DLGAP4: variants seen among roughly 807,000 people sequenced by gnomAD.
DLGAP4 encodes disks large-associated protein 4.
In DLGAP4, 18 loss-of-function variants were observed where a neutral mutation model predicts 86.9. That is an observed-to-expected ratio of 0.21 (90% CI 0.14 to 0.31). The LOEUF (loss-of-function observed/expected upper bound fraction) is 0.31. Ranked by LOEUF, DLGAP4 falls within the 10% of genes least tolerant of loss-of-function variation. The pLI, the probability that DLGAP4 is intolerant of heterozygous loss-of-function variation, is 1.00. For missense variants in DLGAP4, 1,085 were observed against 1,362.6 expected (o/e 0.80, Z 3.21); for synonymous variants, 548 against 574.3 (o/e 0.95, Z 0.65).
chr20:36,398,145 G>GA (rs891062082), intron 2 of DLGAP4, among the ~76,000 whole-genome samples: 4 of 152,160 alleles, frequency 2.6e-5, no homozygotes, highest in African/African-American at 4.8e-5. Context: ...ATATGTGTTT[G>GA]AAAAAACACG....
intron 2 of DLGAP4, among the ~76,000 whole-genome samples, chr20:36,422,735 C>T (rs2032863860): frequency 6.6e-6 from 1 of 152,178 alleles, no homozygotes; most frequent in South Asian, 2.1e-4. Context: ...GGGGTGGCGG[C>T]TGCAGACACA....
At position 36,337,967 on chromosome 20, in the gene DLGAP4, C is replaced by G. The variant is rs1053703455; in HGVS notation, c.-303-29078C>G. ...CTGTGCCAGGATGAGGAAGCCGAGG[C>G]CCCAAGAGGGGAGGGGAGGGAGGAG... On this transcript the variant is annotated intron_variant, in intron 1 of 12. Coordinates refer to ENST00000339266, the MANE Select transcript of DLGAP4 (RefSeq NM_001365621.2). Among the ~76,000 whole-genome samples, 5 of 152,284 alleles carry G rather than the reference C, an allele frequency of 3.3e-5. No individual in the cohort carries two copies. In the Middle Eastern group the frequency reaches 0.014, roughly 414 times the overall value.
chr20:36,514,817 C>T (rs1338626417), intron 10 of DLGAP4, among the ~76,000 whole-genome samples: 1 of 152,040 alleles, frequency 6.6e-6, no homozygotes, highest in Non-Finnish European at 1.5e-5. Context: ...AAACAGGCAA[C>T]TGTTGGGGTT....
At chr20:36,499,504 T>C (rs1365264180) in intron 8 of DLGAP4, 84 bp from the exon 9 acceptor site, 6 of 1,460,380 alleles carry the variant, frequency 4.1e-6, no homozygotes, top group African/African-American at 1.4e-5. Context: ...GTCCCACTAA[T>C]GTGAATTTCA....
intron 1 of DLGAP4, among the ~76,000 whole-genome samples, chr20:36,363,158 G>A (rs145360336): frequency 5.2e-4 from 79 of 152,298 alleles, no homozygotes; most frequent in African/African-American, 1.7e-3. Flanking sequence ...GCAAGAGCAC[G>A]TGCAAAGGCC....
intron 1 of DLGAP4, among the ~76,000 whole-genome samples, chr20:36,336,198 G>A (rs782293646): frequency 6.6e-6 from 1 of 152,114 alleles, no homozygotes; most frequent in South Asian, 2.1e-4. Flanking sequence ...TTTGGCTGAC[G>A]ACGAGACAAA....
chr20:36,467,226 T>C (rs1051181149), intron 7 of DLGAP4, among the ~76,000 whole-genome samples: 2 of 152,200 alleles, frequency 1.3e-5, no homozygotes, highest in African/African-American at 4.8e-5. Flanking sequence ...TAATTAAGCG[T>C]CTGCTGAGGA....
intron 2 of DLGAP4, among the ~76,000 whole-genome samples, chr20:36,424,532 T>C (rs2032920750): frequency 6.6e-6 from 1 of 152,096 alleles, no homozygotes; most frequent in African/African-American, 2.4e-5. Flanking sequence ...AGCGGGAACT[T>C]GGCTGTGAAT....
intron 7 of DLGAP4, among the ~76,000 whole-genome samples, chr20:36,471,521 AACTG>A (rs2034663227): frequency 6.6e-6 from 1 of 151,974 alleles, no homozygotes; most frequent in Admixed American, 6.6e-5. Context: ...TAAATAAATA[AACTG>A]ACCTCCTGAA....
intron 2 of DLGAP4, among the ~76,000 whole-genome samples, chr20:36,386,802 T>G (rs2031615276): frequency 6.6e-6 from 1 of 152,222 alleles, no homozygotes. Flanking sequence ...CCAGGGCTGG[T>G]CTCAAACTCC....
At chr20:36,499,311 C>A (rs2036023459) in intron 8 of DLGAP4, 5 of 1,613,828 alleles carry the variant, frequency 3.1e-6, no homozygotes, top group Non-Finnish European at 3.4e-6. Context: ...TGTGATGGCA[C>A]CCTCCTCAGA....
chr20:36,511,254 G>C (rs758425080), intron 10 of DLGAP4, among the ~76,000 whole-genome samples: 28 of 152,138 alleles, frequency 1.8e-4, no homozygotes, highest in Non-Finnish European at 3.8e-4. Context: ...TGAGGCTGGA[G>C]CACAATGGCA....
rs1332107161 is a variant in DLGAP4 at position 36,500,938 on chromosome 20, A to G, written c.2512+327A>G. Among the ~76,000 whole-genome samples the G allele has an allele frequency of 6.6e-6, 1 of 152,078 alleles. No individual in the cohort carries two copies. The highest frequency in any genetic ancestry group is 1.5e-5 in the Non-Finnish European group (1 of 68,032). ...CCGAGCCCCCATTTCCTCATCTGTA[A>G]AATGGAGCTAATCCTCTGCTCACTA... On this transcript the variant is annotated intron_variant, in intron 10 of 12. Coordinates refer to ENST00000339266, the MANE Select transcript of DLGAP4 (RefSeq NM_001365621.2). This position sits in a 1 kb window ranked among gnomAD's most constrained non-coding sequence, Gnocchi z 4.6.
chr20:36,463,621 C>T (rs1331505039), intron 7 of DLGAP4, among the ~76,000 whole-genome samples: 1 of 152,212 alleles, frequency 6.6e-6, no homozygotes, highest in Non-Finnish European at 1.5e-5. Flanking sequence ...GCGTGCCCAT[C>T]GGGATGTCTG....
chr20:36,324,473 C>A (rs1555890881), intron 1 of DLGAP4, among the ~76,000 whole-genome samples: 1 of 152,034 alleles, frequency 6.6e-6, no homozygotes, highest in East Asian at 1.9e-4. Flanking sequence ...ACATTTAGGT[C>A]TTTGATCCAT....
At chr20:36,486,446 T>G (rs1269460553) in intron 7 of DLGAP4, among the ~76,000 whole-genome samples, 2 of 151,984 alleles carry the variant, frequency 1.3e-5, no homozygotes, top group Non-Finnish European at 2.9e-5. Flanking sequence ...TGAAGTTAGT[T>G]TCAGACAGGG....
intron 11 of DLGAP4, 145 bp from the exon 12 acceptor site, chr20:36,525,706 C>A: frequency 9.3e-7 from 1 of 1,080,264 alleles, no homozygotes; most frequent in Non-Finnish European, 1.3e-6. Flanking sequence ...TAGATTCATT[C>A]ATACAGATAC....
At chr20:36,474,386 A>G (rs62210517) in intron 7 of DLGAP4, among the ~76,000 whole-genome samples, 2,267 of 152,254 alleles carry the variant, frequency 0.015, 27 homozygotes, top group South Asian at 0.026. Flanking sequence ...AGGCTGGAGA[A>G]TCTATCCAGG....
intron 7 of DLGAP4, among the ~76,000 whole-genome samples, chr20:36,459,903 G>A (rs139044931): frequency 1.1e-4 from 17 of 152,236 alleles, no homozygotes; most frequent in Non-Finnish European, 1.9e-4. Context: ...CACCACACTC[G>A]GCCCAGAATC....
Sources: gnomAD v4.1 joint callset for allele counts (sites outside exome capture counted in the v4.1 genomes callset) on GRCh38, gnomAD v4.1.1 for gene constraint, Gnocchi (gnomAD v3.1) non-coding constraint, MANE v1.5 for transcripts, NCBI Gene and HGNC (gene_info 2026-07-23, HGNC 2026-07-21) for gene names.